Variants in VAC14 observed in about 807,000 individuals in gnomAD.
VAC14 encodes the protein VAC14 component of PIKFYVE complex, also known as protein VAC14 homolog.
Under a neutral mutation model 85.3 loss-of-function variants are expected in VAC14, and 47 were observed. The ratio of observed to expected loss-of-function variants is 0.55; its 90% CI spans 0.44 to 0.70. The LOEUF is 0.70. Among genes scored for constraint, VAC14 ranks in the 30% least tolerant of loss-of-function variants. The pLI is 0.00. For missense variants in VAC14, 861 were observed against 1,004.3 expected (o/e 0.86, Z 1.93); for synonymous variants, 447 against 430.5 (o/e 1.04, Z -0.47).
At chr16:70,784,650 G>A (rs1598009772) in intron 4 of VAC14, 126 bp downstream of exon 4, 1 of 923,066 alleles carries the variant, frequency 1.1e-6, no homozygotes, top group Non-Finnish European at 1.7e-6. Flanking sequence ...ACACCAGGGA[G>A]TACATGTAAA....
At chr16:70,775,888 G>A (rs1284165446) in intron 9 of VAC14, among the ~76,000 whole-genome samples, 2 of 152,216 alleles carry the variant, frequency 1.3e-5, no homozygotes, top group Admixed American at 6.5e-5. Context: ...CTGAGGGGAA[G>A]GATTGGGCAC....
intron 12 of VAC14, among the ~76,000 whole-genome samples, chr16:70,753,694 C>T (rs772063315): frequency 1.4e-4 from 21 of 152,284 alleles, no homozygotes; most frequent in Non-Finnish European, 2.4e-4. Flanking sequence ...GCTTGAGGGA[C>T]GACTGAGGAA....
At chr16:70,703,342 C>G (rs1488997797) in intron 14 of VAC14, among the ~76,000 whole-genome samples, 4 of 151,620 alleles carry the variant, frequency 2.6e-5, no homozygotes. Context: ...GGGAGGGAAC[C>G]TGAACAGGGT....
At chr16:70,710,095 C>G (rs1295153124) in intron 14 of VAC14, among the ~76,000 whole-genome samples, 1 of 152,254 alleles carries the variant, frequency 6.6e-6, no homozygotes, top group African/African-American at 2.4e-5. Flanking sequence ...TGCCCTTGCA[C>G]GCCCCTGCCA....
Position 70,692,965 on chromosome 16 carries a change from C to A in VAC14, c.2042G>T (p.Arg681Leu). The change falls in exon 18 of 19, where the codon CGC becomes CTC. Residue 681 changes from arginine (R) to leucine (L), a missense_variant. By Grantham distance (102) the Arg-to-Leu change is moderately radical. This residue lies in a region of VAC14 where 163 missense variants were observed against 162.2 expected (regional missense o/e 1.00). Transcript: ENST00000261776. Reference protein sequence around the residue: ...LIECPIFTYLRLQLLDVKNNP... With the variant: ...LIECPIFTYLLLQLLDVKNNP... ...GTTCTTCACGTCCAGCAGCTGCAGG[C>A]GCAGATCTGGGGTAGGCAGAGGGCA... 6.2e-7 allele frequency: 1 copy of A among 1,610,654 alleles called. No individual in the cohort carries two copies. Among genetic ancestry groups the A allele is most frequent in the Non-Finnish European group, 8.5e-7 (1 of 1,179,268 alleles).
chr16:70,763,114 C>T (rs1019102566), intron 10 of VAC14, 89 bp from the exon 11 acceptor site: 44 of 1,574,394 alleles, frequency 2.8e-5, no homozygotes, highest in Non-Finnish European at 3.8e-5. Flanking sequence ...GCCTGCACAT[C>T]CTGAGTCACA....
At position 70,697,281 on chromosome 16, in the gene VAC14, G is replaced by A. The variant is rs763985068; in HGVS notation, c.1837-24C>T. ...TCCTGTGGGGGAACAGGCATGAGCC[G>A]TGAGGACACGCCTGCTCCTTGCCCC... On this transcript the variant is annotated intron_variant, in intron 15 of 18. Transcript: ENST00000261776. 17 of 1,587,270 alleles carry A rather than the reference G, an allele frequency of 1.1e-5. No individual in the cohort carries two copies. The Admixed American group carries it at 1.3e-4, about 12-fold the overall frequency.
At chr16:70,759,591 G>A (rs930984609) in intron 12 of VAC14, among the ~76,000 whole-genome samples, 19 of 152,152 alleles carry the variant, frequency 1.2e-4, no homozygotes, top group Admixed American at 1.1e-3. Flanking sequence ...TCACATCACC[G>A]CACTCTAGCC....
At chr16:70,701,710 G>A (rs1045234026) in intron 14 of VAC14, among the ~76,000 whole-genome samples, 17 of 152,188 alleles carry the variant, frequency 1.1e-4, no homozygotes, top group South Asian at 2.1e-4. Flanking sequence ...ATTTGCTAGC[G>A]GCTTCCGCCT....
chr16:70,762,401 C>A lies in VAC14; in HGVS notation c.1371+139G>T. 6.7e-6 allele frequency: 6 copies of A among 901,222 alleles called. No individual in the cohort carries two copies. In the South Asian group the frequency reaches 9.3e-5, roughly 14 times the overall value. 55.8% of individuals were successfully genotyped at this position (901,222 alleles called of 1,614,324 possible). On this transcript the variant is annotated intron_variant, in intron 12 of 18. Coordinates refer to ENST00000261776, the MANE Select transcript of VAC14 (RefSeq NM_018052.5). This position sits in a 1 kb window ranked among gnomAD's most constrained non-coding sequence, Gnocchi z 4.1. ...GGAAAAACAGGTGTGAGCCACTGCACCTGGCCCCAAAGTGAGTATTAAACA... is the reference window on the plus strand; with the variant it reads ...GGAAAAACAGGTGTGAGCCACTGCAACTGGCCCCAAAGTGAGTATTAAACA...
intron 17 of VAC14, among the ~76,000 whole-genome samples, chr16:70,693,188 G>C (rs1033205661): frequency 3.3e-5 from 5 of 152,184 alleles, no homozygotes; most frequent in African/African-American, 1.2e-4. Flanking sequence ...ACCTCCCCCA[G>C]GAGTGTCCTA....
chr16:70,706,037 C>T (rs2053914541), intron 14 of VAC14, among the ~76,000 whole-genome samples: 1 of 152,228 alleles, frequency 6.6e-6, no homozygotes, highest in African/African-American at 2.4e-5. Flanking sequence ...TCTGCTTCTC[C>T]AGTCTGGCAC....
In VAC14 at chr16:70,687,950, AG is replaced by A. The variant is rs1234202788; in HGVS notation, c.2326del (p.Leu776TrpfsTer24). On this transcript the variant is annotated frameshift_variant, in exon 19 of 19. Transcript: ENST00000261776. LOFTEE classifies it high-confidence loss of function. ...CTGTCAGAGGACAACCCTCCGGTCCAGGTGGTCCCCACGCCCGCTCCGCTGG... is the reference window on the plus strand; with the variant it reads ...CTGTCAGAGGACAACCCTCCGGTCCAGTGGTCCCCACGCCCGCTCCGCTGG... Reference protein sequence around the residue: ...RHQRSGRGDHLDRRVVL With the variant: ...RHQRSGRGDHXDRRVVL 6.3e-7 allele frequency: 1 copy of A among 1,576,842 alleles called. No homozygotes were observed. Among genetic ancestry groups the A allele is most frequent in the East Asian group, 2.3e-5 (1 of 42,750 alleles).
intron 4 of VAC14, among the ~76,000 whole-genome samples, 171 bp from the exon 5 acceptor site, chr16:70,784,391 G>A (rs530335942): frequency 1.5e-4 from 23 of 152,278 alleles, no homozygotes; most frequent in Non-Finnish European, 2.8e-4. Flanking sequence ...CCCAGTCCAC[G>A]GGATACGAAA....
intron 12 of VAC14, among the ~76,000 whole-genome samples, chr16:70,745,514 TGTGTGCGC>T (rs1479590671): frequency 0.019 from 2,812 of 145,854 alleles, 93 homozygotes; most frequent in African/African-American, 0.071. Flanking sequence ...TGTGTGTGTG[TGTGTGCGC>T]GTGTGCGCGC....
intron 10 of VAC14, among the ~76,000 whole-genome samples, chr16:70,763,523 C>T (rs891418958): frequency 6.6e-6 from 1 of 152,214 alleles, no homozygotes; most frequent in Non-Finnish European, 1.5e-5. Flanking sequence ...CTCCGCCAGG[C>T]CCTTCACCGG....
chr16:70,734,992 G>A (rs1216142753), intron 13 of VAC14, among the ~76,000 whole-genome samples: 2 of 152,278 alleles, frequency 1.3e-5, no homozygotes, highest in African/African-American at 4.8e-5. Flanking sequence ...ACTAATGTTC[G>A]GACATGTTTG....
At chr16:70,731,116 C>T (rs1376858125) in intron 14 of VAC14, among the ~76,000 whole-genome samples, 1 of 152,208 alleles carries the variant, frequency 6.6e-6, no homozygotes, top group East Asian at 1.9e-4. Context: ...CCAAGCCTGG[C>T]TAAATCCCGC....
chr16:70,700,348 T>C (rs2053800514), intron 14 of VAC14: 1 of 152,118 alleles, frequency 6.6e-6, no homozygotes, highest in Non-Finnish European at 1.5e-5. Context: ...GAGGGCCGCT[T>C]CATCTCCCCG....
Sources: gnomAD v4.1 joint callset for allele counts (sites outside exome capture counted in the v4.1 genomes callset) on GRCh38, gnomAD v4.1.1 for gene constraint, gnomAD v4.1.1 regional missense constraint, Gnocchi (gnomAD v3.1) non-coding constraint, MANE v1.5 for transcripts, NCBI Gene and HGNC (gene_info 2026-07-23, HGNC 2026-07-21) for gene names.